ARHGAP26: variants seen among roughly 807,000 people sequenced by gnomAD.
ARHGAP26 encodes the protein rho GTPase-activating protein 26.
In ARHGAP26, 38 loss-of-function variants were observed where a neutral mutation model predicts 104.8. The ratio of observed to expected loss-of-function variants is 0.36; its 90% CI spans 0.28 to 0.48. ARHGAP26 has a LOEUF of 0.48. Ranked by LOEUF, ARHGAP26 falls within the 20% of genes least tolerant of loss-of-function variation. The pLI is 0.99. For missense variants in ARHGAP26, 704 were observed against 947.9 expected (o/e 0.74, Z 3.38); for synonymous variants, 341 against 340.0 (o/e 1.00, Z -0.03).
chr5:142,917,259 G>A (rs1762605337), intron 10 of ARHGAP26, among the ~76,000 whole-genome samples: 2 of 152,084 alleles, frequency 1.3e-5, no homozygotes, highest in African/African-American at 4.8e-5. Context: ...GGCTGGTCTT[G>A]AACTACTGAC....
At chr5:142,912,250 TG>T (rs1261218075) in intron 9 of ARHGAP26, among the ~76,000 whole-genome samples, 2 of 152,184 alleles carry the variant, frequency 1.3e-5, no homozygotes, top group African/African-American at 4.8e-5. Flanking sequence ...GCCCTTGATA[TG>T]CACAACAATG....
At position 143,222,699 on chromosome 5, in the gene ARHGAP26, C is replaced by T. The variant is rs1003706933; in HGVS notation, c.*253C>T. 1 of 343,680 alleles carries T rather than the reference C, an allele frequency of 2.9e-6. No individual in the cohort carries two copies. The highest frequency in any genetic ancestry group is 4.6e-5 in the Admixed American group (1 of 21,544). 21.3% of individuals were successfully genotyped at this position (343,680 alleles called of 1,614,324 possible). A position where few individuals can be genotyped will look rare whatever the true frequency, so the allele number is the denominator to read the frequency against. On this transcript the variant is annotated 3_prime_UTR_variant, in exon 23 of 23. Coordinates refer to ENST00000645722, the MANE Select transcript of ARHGAP26 (RefSeq NM_001135608.3). ...ATTTGATAACTAAGAGGAAGACTTGCAAAGCCGTTTTCTCATGAGTACCCT... is the reference window on the plus strand; with the variant it reads ...ATTTGATAACTAAGAGGAAGACTTGTAAAGCCGTTTTCTCATGAGTACCCT...
chr5:142,845,492 C>T (rs1037977242), intron 1 of ARHGAP26, among the ~76,000 whole-genome samples: 25 of 152,278 alleles, frequency 1.6e-4, no homozygotes, highest in African/African-American at 5.1e-4. Flanking sequence ...GGTGACTTCA[C>T]GCCCTTTGCT....
intron 7 of ARHGAP26, among the ~76,000 whole-genome samples, chr5:142,902,828 G>C (rs542599805): frequency 1.8e-4 from 28 of 152,216 alleles, no homozygotes; most frequent in Non-Finnish European, 3.1e-4. Context: ...CAGAATGCAG[G>C]CTCTGAAATC....
chr5:143,224,578 TGA>T lies in ARHGAP26; in HGVS notation c.*2134_*2135del, dbSNP rs1811512079. ...CCCAAGATATCAGGCCAGAAAGAGA[TGA>T]GTCAGTTGCTGTGCTCTTTACTTCT... On this transcript the variant is annotated 3_prime_UTR_variant, in exon 23 of 23. Transcript: ENST00000645722. 4.3e-6 allele frequency: 1 copy of T among 231,406 alleles called. No homozygotes were observed. Among genetic ancestry groups the T allele is most frequent in the Admixed American group, 5.6e-5 (1 of 17,738 alleles). The allele number at this position is 231,406 out of a possible 1,614,324, so 14.3% of individuals were successfully genotyped here.
chr5:143,092,552 C>T (rs58436709), intron 17 of ARHGAP26, among the ~76,000 whole-genome samples: 3 of 152,048 alleles, frequency 2.0e-5, no homozygotes, highest in Admixed American at 6.5e-5. Flanking sequence ...CTCCCCCCCC[C>T]ACCTTTTTTT....
chr5:142,855,871 C>T (rs1226724089), intron 1 of ARHGAP26, among the ~76,000 whole-genome samples: 2 of 145,692 alleles, frequency 1.4e-5, no homozygotes, highest in Non-Finnish European at 3.0e-5. Context: ...TGTTGTCTCT[C>T]CAGTGACTTA....
intron 13 of ARHGAP26, among the ~76,000 whole-genome samples, chr5:143,040,507 G>A (rs190313): frequency 0.22 from 33,074 of 152,120 alleles, 6,529 homozygotes; most frequent in African/African-American, 0.52. Flanking sequence ...GACTGAGGAT[G>A]TAATGGTGAA....
chr5:142,770,989 G>A, intron 1 of ARHGAP26, 74 bp downstream of exon 1: 1 of 1,490,222 alleles, frequency 6.7e-7, no homozygotes, highest in African/African-American at 1.4e-5. Context: ...AGCCCGGGTT[G>A]CCCGCGCGTC....
Position 143,207,397 on chromosome 5 carries a change from G to A in ARHGAP26, c.2099+89G>A, listed in dbSNP as rs367738404. 2.6e-5 allele frequency: 42 copies of A among 1,613,984 alleles called. No homozygotes were observed. The East Asian group carries it at 4.5e-4, about 17-fold the overall frequency. On this transcript the variant is annotated intron_variant, in intron 21 of 22. Coordinates refer to ENST00000645722, the MANE Select transcript of ARHGAP26 (RefSeq NM_001135608.3). ...TCTTCATGCAGTGTTCAGCCTCCTCGTCAACTTTGTTCCCTGCCATCCAAA... is the reference window on the plus strand; with the variant it reads ...TCTTCATGCAGTGTTCAGCCTCCTCATCAACTTTGTTCCCTGCCATCCAAA...
intron 15 of ARHGAP26, 26 bp from the exon 16 acceptor site, chr5:143,056,002 G>A (rs767493731): frequency 6.3e-7 from 1 of 1,579,724 alleles, no homozygotes; most frequent in Non-Finnish European, 8.7e-7. Flanking sequence ...TTATTAAGCT[G>A]ACTAGCCTAT....
Position 142,816,569 on chromosome 5 carries a change from G to T in ARHGAP26, c.154+45654G>T, listed in dbSNP as rs75484139. Among the ~76,000 whole-genome samples the T allele has an allele frequency of 7.2e-3, 1,104 of 152,328 alleles. 18 individuals carry two copies. The highest frequency in any genetic ancestry group is 7.8e-3 in the Non-Finnish European group (533 of 68,030). ...CCTTGGAGAAAGAGGAGTTGAGTCA[G>T]AAGAAATAGGAAGAAGAGACACATG... On this transcript the variant is annotated intron_variant, in intron 1 of 22. Coordinates refer to ENST00000645722, the MANE Select transcript of ARHGAP26 (RefSeq NM_001135608.3).
intron 11 of ARHGAP26, among the ~76,000 whole-genome samples, chr5:142,991,702 G>A (rs1464091993): frequency 2.0e-5 from 3 of 152,146 alleles, no homozygotes; most frequent in Admixed American, 6.5e-5. Context: ...ATTCAGTATG[G>A]TAACATGCTG....
intron 17 of ARHGAP26, among the ~76,000 whole-genome samples, chr5:143,084,765 G>A (rs904298548): frequency 1.3e-5 from 2 of 152,132 alleles, no homozygotes; most frequent in Non-Finnish European, 2.9e-5. Context: ...TACTTTCTCC[G>A]CTGGGCGCGG....
At chr5:143,059,537 C>T (rs559861189) in intron 17 of ARHGAP26, among the ~76,000 whole-genome samples, 6 of 152,332 alleles carry the variant, frequency 3.9e-5, no homozygotes, top group Admixed American at 6.5e-5. Context: ...TTGGATGACT[C>T]ACTTTCTCCT....
At position 143,222,537 on chromosome 5, in the gene ARHGAP26, A is replaced by C; in HGVS notation, c.*91A>C. On this transcript the variant is annotated 3_prime_UTR_variant, in exon 23 of 23. Transcript: ENST00000645722. Reference sequence around the variant, plus strand: ...GAGGCCATTTCTCTTTGCCACTGAGAAATGCAGCGTGACTGACTCTGTTGC... The same window carrying C: ...GAGGCCATTTCTCTTTGCCACTGAGCAATGCAGCGTGACTGACTCTGTTGC... The C allele has an allele frequency of 6.7e-6, 7 of 1,052,524 alleles. No homozygotes were observed. Among genetic ancestry groups the C allele is most frequent in the Non-Finnish European group, 9.4e-6 (7 of 743,622 alleles). The allele number at this position is 1,052,524 out of a possible 1,614,324, so 65.2% of individuals were successfully genotyped here.
At chr5:142,901,579 A>C (rs1760338911) in intron 6 of ARHGAP26, among the ~76,000 whole-genome samples, 1 of 152,232 alleles carries the variant, frequency 6.6e-6, no homozygotes. Flanking sequence ...TGATGTTCTC[A>C]GCAGGTGGTG....
chr5:142,787,803 T>G (rs1758968945), intron 1 of ARHGAP26, among the ~76,000 whole-genome samples: 1 of 152,158 alleles, frequency 6.6e-6, no homozygotes, highest in Admixed American at 6.5e-5. Flanking sequence ...GATTAGAGAT[T>G]GTCATTTTGG....
chr5:142,994,769 G>T (rs1474713716), intron 11 of ARHGAP26, among the ~76,000 whole-genome samples: 1 of 152,184 alleles, frequency 6.6e-6, no homozygotes, highest in East Asian at 1.9e-4. Flanking sequence ...TTTACTCTGT[G>T]CCATGCATAG....
Sources: allele counts gnomAD v4.1 joint callset (sites outside exome capture counted in the v4.1 genomes callset), GRCh38; gene constraint gnomAD v4.1.1; transcripts MANE v1.5; gene names NCBI Gene and HGNC (gene_info 2026-07-23, HGNC 2026-07-21).